The following JPH3 variants were observed in gnomAD, a reference collection of about 807,000 sequenced individuals.
JPH3 encodes junctophilin 3, also known as junctophilin-3.
In JPH3, 11 loss-of-function variants were observed where a neutral mutation model predicts 59.6. The ratio of observed to expected loss-of-function variants is 0.18; its 90% CI spans 0.12 to 0.31. The LOEUF (loss-of-function observed/expected upper bound fraction) is 0.31, where lower values mean the gene tolerates loss of function less well. Among genes scored for constraint, JPH3 ranks in the 10% least tolerant of loss-of-function variants. JPH3 has a pLI of 1.00. For synonymous variants in JPH3, 673 were observed against 483.6 expected (o/e 1.39, Z -5.14); for missense variants, 1,202 against 1,105.7 (o/e 1.09, Z -1.24).
rs1354201137 is a variant in JPH3, at chr16:87,659,396, A to AG, written c.1160+14361_1160+14362insG. On this transcript the variant is annotated intron_variant, in intron 2 of 4. Transcript: ENST00000284262. ...TCTCAAAAAAAAAAAAGAAAAAAAA[A>AG]AAGAAAACTACACACACATACACAC... Among the ~76,000 whole-genome samples, 234 of 137,650 alleles carry AG rather than the reference A, an allele frequency of 1.7e-3. 13 individuals are homozygous for AG. Among genetic ancestry groups the AG allele is most frequent in the Admixed American group, 8.2e-3 (114 of 13,986 alleles). 90.3% of individuals were successfully genotyped at this position (137,650 alleles called of 152,430 possible). A position where few individuals can be genotyped will look rare whatever the true frequency, so the allele number is the denominator to read the frequency against.
chr16:87,658,282 T>G (rs1342006210), intron 2 of JPH3, among the ~76,000 whole-genome samples: 1 of 152,212 alleles, frequency 6.6e-6, no homozygotes, highest in Non-Finnish European at 1.5e-5. Context: ...GCAGGGATTC[T>G]GCATTGTCTG....
Position 87,604,327 on chromosome 16 carries a change from CTGT to C in JPH3, c.382+800_382+802del, listed in dbSNP as rs757987606. The C allele has an allele frequency of 7.5e-6, 11 of 1,467,264 alleles. No individual in the cohort carries two copies. In the African/African-American group the frequency reaches 1.3e-4, roughly 17 times the overall value. The allele number at this position is 1,467,264 out of a possible 1,614,324, so 90.9% of individuals were successfully genotyped here. Reference sequence around the variant, plus strand: ...GCTGCTGCTGCTGCTGCTGCTGCTGCTGTAAGATGGTTTCTGTGCAGGGAACCT... The same window carrying C: ...GCTGCTGCTGCTGCTGCTGCTGCTGCAAGATGGTTTCTGTGCAGGGAACCT... On this transcript the variant is annotated intron_variant, in intron 1 of 4. Coordinates refer to ENST00000284262, the MANE Select transcript of JPH3 (RefSeq NM_020655.4).
intron 1 of JPH3, among the ~76,000 whole-genome samples, chr16:87,607,538 G>T (rs887549009): frequency 6.6e-6 from 1 of 152,228 alleles, no homozygotes; most frequent in Non-Finnish European, 1.5e-5. Flanking sequence ...GGCCTTGCTT[G>T]CTCTCCACTG....
chr16:87,624,736 TG>T (rs1467162483), intron 1 of JPH3, among the ~76,000 whole-genome samples: 1 of 152,216 alleles, frequency 6.6e-6, no homozygotes, highest in African/African-American at 2.4e-5. Context: ...TGGGTCGCTC[TG>T]GGCCCAACTC....
chr16:87,668,862 G>A (rs1421786855), intron 2 of JPH3, among the ~76,000 whole-genome samples: 1 of 152,132 alleles, frequency 6.6e-6, no homozygotes, highest in African/African-American at 2.4e-5. Flanking sequence ...GACCCAGACA[G>A]CCCTACCCCC....
chr16:87,681,626 C>T (rs868110120), intron 2 of JPH3, among the ~76,000 whole-genome samples: 3 of 145,992 alleles, frequency 2.1e-5, no homozygotes, highest in African/African-American at 7.7e-5. Context: ...AGGTCAGGTG[C>T]GCGCGGTCGT....
chr16:87,638,960 G>A (rs1394343842), intron 1 of JPH3, among the ~76,000 whole-genome samples: 1 of 152,142 alleles, frequency 6.6e-6, no homozygotes, highest in Admixed American at 6.5e-5. Context: ...GGGTAGCCTT[G>A]GCACCTGGGG....
At chr16:87,624,888 C>T (rs1004302374) in intron 1 of JPH3, among the ~76,000 whole-genome samples, 5 of 152,228 alleles carry the variant, frequency 3.3e-5, no homozygotes, top group African/African-American at 1.2e-4. Context: ...CAACCTCCAC[C>T]TCTCGGGTTC....
chr16:87,668,137 C>G (rs551635118), intron 2 of JPH3, among the ~76,000 whole-genome samples: 1 of 152,372 alleles, frequency 6.6e-6, no homozygotes, highest in East Asian at 1.9e-4. Context: ...CTTGCCCTGC[C>G]TGAGCCTGTT....
chr16:87,662,503 C>G (rs987799948), intron 2 of JPH3, among the ~76,000 whole-genome samples: 19 of 151,868 alleles, frequency 1.3e-4, no homozygotes, highest in African/African-American at 4.6e-4. Context: ...GGTGTAGTGT[C>G]CTGATTTGTT....
rs142048823 is a variant in JPH3, at chr16:87,650,113, G to T, written c.1160+5078G>T. 7.7e-3 allele frequency among the ~76,000 whole-genome samples: 1,178 copies of T among 152,262 alleles called. 18 individuals carry two copies. The highest frequency in any genetic ancestry group is 0.026 in the African/African-American group (1,063 of 41,522). On this transcript the variant is annotated intron_variant, in intron 2 of 4. Coordinates refer to ENST00000284262, the MANE Select transcript of JPH3 (RefSeq NM_020655.4). The stretch of plus-strand genomic sequence containing the variant: ...TGTTTTTACACATTGGAGGTTTGTG[G>T]CACCCGTGCATGGGGCAAGCCTCTT...
intron 2 of JPH3, among the ~76,000 whole-genome samples, chr16:87,682,800 C>T (rs1024730079): frequency 1.3e-5 from 2 of 152,212 alleles, no homozygotes; most frequent in Admixed American, 1.3e-4. Flanking sequence ...TCAGTTTCCC[C>T]ATTGTTGGGG....
chr16:87,659,012 G>A (rs953681688), intron 2 of JPH3, among the ~76,000 whole-genome samples: 3 of 152,230 alleles, frequency 2.0e-5, no homozygotes, highest in Non-Finnish European at 2.9e-5. Flanking sequence ...CGGTCACTTA[G>A]TCTGGGACAG....
At chr16:87,638,321 TTG>T (rs2031825452) in intron 1 of JPH3, among the ~76,000 whole-genome samples, 1 of 152,202 alleles carries the variant, frequency 6.6e-6, no homozygotes, top group Non-Finnish European at 1.5e-5. Context: ...CAGCTGTGTT[TTG>T]TGTTTGCTCC....
rs892025231 is a variant in JPH3 at position 87,603,086 on chromosome 16, G to T, written c.-61G>T. ...CAGGGCCGCCGGCGGCCGCGACTCT[G>T]CTGTGTCGATCGCCTGAGTCCGTTT... On this transcript the variant is annotated 5_prime_UTR_variant, in exon 1 of 5. Transcript: ENST00000284262. 6.2e-7 allele frequency: 1 copy of T among 1,610,790 alleles called. No homozygotes were observed. Among genetic ancestry groups the T allele is most frequent in the South Asian group, 1.1e-5 (1 of 90,778 alleles).
chr16:87,668,369 C>T (rs1462161618), intron 2 of JPH3, among the ~76,000 whole-genome samples: 2 of 152,206 alleles, frequency 1.3e-5, no homozygotes, highest in African/African-American at 4.8e-5. Flanking sequence ...TTGTGTCCCT[C>T]ACCTCTCCGC....
intron 4 of JPH3, among the ~76,000 whole-genome samples, chr16:87,692,852 T>C (rs983279621): frequency 4.6e-5 from 7 of 152,164 alleles, no homozygotes; most frequent in African/African-American, 1.7e-4. Flanking sequence ...CGTACCTGCT[T>C]CCCGGCCCAG....
intron 2 of JPH3, among the ~76,000 whole-genome samples, chr16:87,668,282 TG>T (rs1270336837): frequency 6.6e-6 from 1 of 152,146 alleles, no homozygotes; most frequent in Non-Finnish European, 1.5e-5. Flanking sequence ...TGCTGTCTCT[TG>T]TTTTTCGTGG....
rs1378471618 is a variant in JPH3 at position 87,690,199 on chromosome 16, G to A, written c.1839G>A (p.Met613Ile). 6.2e-7 allele frequency: 1 copy of A among 1,602,854 alleles called. No individual in the cohort carries two copies. The highest frequency in any genetic ancestry group is 8.5e-7 in the Non-Finnish European group (1 of 1,175,276). Residue 613 changes from methionine to isoleucine, a missense_variant, in exon 4 of 5, where the codon ATG becomes ATA. Transcript: ENST00000284262. The part of the protein sequence containing the change: ...LQEEKLSNYR[M>I]EMKPLLRMET... The stretch of plus-strand genomic sequence containing the variant: ...AGGAGAAGCTGAGCAACTACCGGAT[G>A]GAGATGAAACCCTTGCTGAGGATGG...
Sources: allele counts gnomAD v4.1 joint callset (sites outside exome capture counted in the v4.1 genomes callset), GRCh38; gene constraint gnomAD v4.1.1; transcripts MANE v1.5; gene names NCBI Gene and HGNC (gene_info 2026-07-23, HGNC 2026-07-21).